PTPRD: variants seen among roughly 807,000 people sequenced by gnomAD.
PTPRD encodes protein tyrosine phosphatase receptor type D.
In PTPRD, 34 loss-of-function variants were observed where a neutral mutation model predicts 214.5. The ratio of observed to expected loss-of-function variants is 0.16; its 90% CI spans 0.12 to 0.21. The LOEUF (loss-of-function observed/expected upper bound fraction) is 0.21, where lower values mean the gene tolerates loss of function less well. Among genes scored for constraint, PTPRD ranks in the 10% least tolerant of loss-of-function variants. The probability of loss-of-function intolerance (pLI) is 1.00; values close to 1 mark genes in which losing one functional copy is unlikely to be tolerated. For synonymous variants in PTPRD, 1,128 were observed against 845.7 expected (o/e 1.33, Z -5.79); for missense variants, 2,545 against 2,398.7 (o/e 1.06, Z -1.27).
rs974415330 is a variant in PTPRD at position 9,079,012 on chromosome 9, A to C, written c.-142-60277T>G. Among the ~76,000 whole-genome samples the C allele has an allele frequency of 2.0e-5, 3 of 152,062 alleles. 1 individual carries two copies. The highest frequency in any genetic ancestry group is 4.8e-5 in the African/African-American group (2 of 41,434). On this transcript the variant is annotated intron_variant, in intron 10 of 45. Coordinates refer to ENST00000381196, the MANE Select transcript of PTPRD (RefSeq NM_002839.4). ...TGATGTATAGTGATCAGATCAGGGT[A>C]ATCAGCATATCCATCATCTCAAATA...
In PTPRD at chr9:10,250,754, A is replaced by G. The variant is rs191475407; in HGVS notation, c.-545+90209T>C. Among the ~76,000 whole-genome samples the G allele has an allele frequency of 4.0e-3, 607 of 152,152 alleles. 7 individuals are homozygous for G. The highest frequency in any genetic ancestry group is 0.013 in the African/African-American group (557 of 41,552). ...TATGCTCCAAGAAGCACAAAGGTTCAGGGAAGAAACTGTTTATATGTTTTA... is the reference window on the plus strand; with the variant it reads ...TATGCTCCAAGAAGCACAAAGGTTCGGGGAAGAAACTGTTTATATGTTTTA... On this transcript the variant is annotated intron_variant, in intron 3 of 45. Transcript: ENST00000381196.
At chr9:9,027,905 CAT>C (rs1312142729) in intron 10 of PTPRD, among the ~76,000 whole-genome samples, 1 of 151,900 alleles carries the variant, frequency 6.6e-6, no homozygotes, top group Non-Finnish European at 1.5e-5. Flanking sequence ...GTGGTGGTAA[CAT>C]AAAAGAATCC....
chr9:8,581,342 C>A (rs975097708), intron 14 of PTPRD, among the ~76,000 whole-genome samples: 1 of 152,114 alleles, frequency 6.6e-6, no homozygotes, highest in African/African-American at 2.4e-5. Flanking sequence ...AAAGGGAGGA[C>A]TGACAGAACT....
intron 2 of PTPRD, among the ~76,000 whole-genome samples, chr9:10,486,026 G>C (rs2099130659): frequency 7.8e-6 from 1 of 127,518 alleles, no homozygotes; most frequent in Non-Finnish European, 1.7e-5. Flanking sequence ...CCCACTTTTT[G>C]ATGTTTTTTT....
At chr9:10,063,438 A>C (rs552509023) in intron 3 of PTPRD, among the ~76,000 whole-genome samples, 34 of 152,180 alleles carry the variant, frequency 2.2e-4, no homozygotes, top group African/African-American at 8.2e-4. Context: ...TAAGAAAAAA[A>C]GCGTTATGAA....
At chr9:8,933,556 G>C (rs917236924) in intron 11 of PTPRD, among the ~76,000 whole-genome samples, 1 of 151,766 alleles carries the variant, frequency 6.6e-6, no homozygotes, top group Non-Finnish European at 1.5e-5. Context: ...TAATGCATGT[G>C]ACTGATTTTC....
At chr9:9,813,839 C>T (rs1267563564) in intron 5 of PTPRD, among the ~76,000 whole-genome samples, 1 of 151,548 alleles carries the variant, frequency 6.6e-6, no homozygotes, top group South Asian at 2.1e-4. Context: ...TTCTGATGCA[C>T]ATAGATGTAA....
chr9:9,647,414 C>T (rs532731190), intron 7 of PTPRD, among the ~76,000 whole-genome samples: 34 of 152,060 alleles, frequency 2.2e-4, no homozygotes, highest in African/African-American at 6.5e-4. Context: ...CTTTTGGTTA[C>T]GGGTGAATAA....
chr9:8,827,811 T>C (rs1263671458), intron 11 of PTPRD, among the ~76,000 whole-genome samples: 1 of 152,192 alleles, frequency 6.6e-6, no homozygotes, highest in Non-Finnish European at 1.5e-5. Context: ...AATATGGATG[T>C]AATCCAATTA....
At chr9:8,898,423 G>A (rs558222819) in intron 11 of PTPRD, among the ~76,000 whole-genome samples, 4 of 152,148 alleles carry the variant, frequency 2.6e-5, no homozygotes, top group Admixed American at 2.0e-4. Flanking sequence ...TAGCCTGACT[G>A]TTCTCTCATT....
intron 8 of PTPRD, among the ~76,000 whole-genome samples, chr9:9,484,698 G>A (rs2095555293): frequency 1.3e-5 from 2 of 151,968 alleles, no homozygotes; most frequent in African/African-American, 4.8e-5. Flanking sequence ...GAAAACTGAG[G>A]TACAAGGAAG....
intron 2 of PTPRD, among the ~76,000 whole-genome samples, chr9:10,467,556 C>G (rs1301691256): frequency 6.6e-6 from 1 of 152,146 alleles, no homozygotes; most frequent in Non-Finnish European, 1.5e-5. Flanking sequence ...TTATTACTTA[C>G]ACAAAATTTT....
At chr9:9,485,309 G>A (rs933869341) in intron 8 of PTPRD, among the ~76,000 whole-genome samples, 6 of 152,232 alleles carry the variant, frequency 3.9e-5, no homozygotes, top group African/African-American at 1.2e-4. Context: ...ATAGAAATAG[G>A]TTTTAGGCTT....
intron 7 of PTPRD, among the ~76,000 whole-genome samples, chr9:9,602,653 G>A (rs923453552): frequency 1.3e-5 from 2 of 151,894 alleles, no homozygotes; most frequent in Non-Finnish European, 2.9e-5. Context: ...ACAAAAAATA[G>A]ATATACAAGC....
In PTPRD at chr9:8,486,016, G is replaced by T. The variant is rs1472066032; in HGVS notation, c.2801C>A (p.Ser934Tyr). ...NLHSEGTTST[S>Y]VQLSWQPPVL... ...AGGTGGTTGCCAAGATAACTGGACG[G>T]AGGTTGAAGTGGTGCCTTCTGAGTG... Residue 934 changes from serine (S) to tyrosine (Y), a missense_variant, in exon 28 of 46, where the codon TCC becomes TAC. Coordinates refer to ENST00000381196, the MANE Select transcript of PTPRD (RefSeq NM_002839.4). 2 of 1,614,156 alleles carry T rather than the reference G, an allele frequency of 1.2e-6. No homozygotes were observed. Among genetic ancestry groups the T allele is most frequent in the Admixed American group, 3.3e-5 (2 of 60,022 alleles).
intron 10 of PTPRD, among the ~76,000 whole-genome samples, chr9:9,158,407 C>T (rs986574480): frequency 1.3e-5 from 2 of 152,132 alleles, no homozygotes; most frequent in Admixed American, 6.5e-5. Flanking sequence ...CGAGATCAGC[C>T]TGGCCAACAT....
At chr9:10,314,941 T>C (rs680760) in intron 3 of PTPRD, among the ~76,000 whole-genome samples, 45,857 of 151,690 alleles carry the variant, frequency 0.3, 8,017 homozygotes, top group African/African-American at 0.47. Context: ...TTCAGGGCTG[T>C]GGGACAAGAT....
chr9:9,100,535 G>C (rs527931154), intron 10 of PTPRD, among the ~76,000 whole-genome samples: 1 of 152,202 alleles, frequency 6.6e-6, no homozygotes, highest in African/African-American at 2.4e-5. Context: ...GGTATGATCA[G>C]GTAGACAGAA....
At chr9:8,411,613 G>T (rs2093534947) in intron 35 of PTPRD, among the ~76,000 whole-genome samples, 1 of 152,106 alleles carries the variant, frequency 6.6e-6, no homozygotes, top group South Asian at 2.1e-4. Flanking sequence ...ACTATACATG[G>T]CTTTTTAATA....
Sources: allele counts gnomAD v4.1 joint callset (sites outside exome capture counted in the v4.1 genomes callset), GRCh38; gene constraint gnomAD v4.1.1; transcripts MANE v1.5; gene names NCBI Gene and HGNC (gene_info 2026-07-23, HGNC 2026-07-21).